CCDC169: variants seen among roughly 807,000 people sequenced by gnomAD.
The protein encoded by CCDC169 is coiled-coil domain containing 169.
In CCDC169, 30 loss-of-function variants were observed where a neutral mutation model predicts 36.0. The ratio of observed to expected loss-of-function variants is 0.83; its 90% CI spans 0.62 to 1.13. The LOEUF (loss-of-function observed/expected upper bound fraction) is 1.13, where lower values mean the gene tolerates loss of function less well. CCDC169 is among the 50% of genes most tolerant of loss of function. The pLI is 0.00. For synonymous variants in CCDC169, 85 were observed against 81.5 expected, an observed-to-expected ratio of 1.04 and a Z score of -0.23; for missense variants, 245 against 245.9, an observed-to-expected ratio of 1.00 and a Z score of 0.03.
downstream of CCDC169, among the ~76,000 whole-genome samples, chr13:36,229,854 T>C (rs533763770): frequency 6.6e-6 from 1 of 152,220 alleles, no homozygotes; most frequent in South Asian, 2.1e-4. Context: ...ATAATTATTA[T>C]TTAAATTATT....
chr13:36,223,104 A>G (rs1304156510), downstream of CCDC169: 1 of 152,178 alleles, frequency 6.6e-6, no homozygotes. Context: ...TTTGTTAGTT[A>G]TTAGCTAATG....
At chr13:36,257,834 G>A (rs1163268599) in intron 4 of CCDC169, among the ~76,000 whole-genome samples, 2 of 151,768 alleles carry the variant, frequency 1.3e-5, no homozygotes, top group Admixed American at 6.6e-5. Context: ...CTCAGTCATT[G>A]TCTTATTTTG....
At chr13:36,250,989 TA>T (rs999180873) in intron 6 of CCDC169, among the ~76,000 whole-genome samples, 3 of 152,350 alleles carry the variant, frequency 2.0e-5, no homozygotes. Context: ...AGATAGAAGC[TA>T]AAACTTAAGT....
At chr13:36,255,068 A>G (rs1873685430) in intron 4 of CCDC169, among the ~76,000 whole-genome samples, 2 of 152,196 alleles carry the variant, frequency 1.3e-5, no homozygotes, top group South Asian at 4.2e-4. Context: ...CTCAGTGGAC[A>G]TGGCGGTCAT....
chr13:36,264,052 G>T (rs2138526414), intron 4 of CCDC169, among the ~76,000 whole-genome samples: 1 of 152,124 alleles, frequency 6.6e-6, no homozygotes, highest in Non-Finnish European at 1.5e-5. Flanking sequence ...TAGTTTTAAT[G>T]GAAAATGTAT....
chr13:36,256,161 C>T (rs9546924), intron 4 of CCDC169, among the ~76,000 whole-genome samples: 22,599 of 152,198 alleles, frequency 0.15, 2,090 homozygotes, highest in Non-Finnish European at 0.2. Flanking sequence ...TGAAGATCTC[C>T]AGCATGCTGT....
chr13:36,233,073 A>G (rs1284592409), intron 7 of CCDC169, among the ~76,000 whole-genome samples: 1 of 152,296 alleles, frequency 6.6e-6, no homozygotes, highest in East Asian at 1.9e-4. Context: ...AGTAAAGAAT[A>G]AGGTAGAGTT....
intron 2 of CCDC169, among the ~76,000 whole-genome samples, chr13:36,293,506 C>T (rs1388813842): frequency 1.3e-5 from 2 of 152,266 alleles, no homozygotes; most frequent in East Asian, 3.9e-4. Context: ...ACTACTATGA[C>T]CAACAGAATA....
rs535157104 is a variant in CCDC169, at chr13:36,259,384, G to C, written c.316-5241C>G. On this transcript the variant is annotated intron_variant, in intron 4 of 7. Transcript: ENST00000239859. ...CAGTTGTCCAAGTTCTTGGTGTATT[G>C]AACAAAGACTTGAACAAAATGCTCA... Among the ~76,000 whole-genome samples, 11 of 152,224 alleles carry C rather than the reference G, an allele frequency of 7.2e-5. No individual in the cohort carries two copies. In the South Asian group the frequency reaches 2.3e-3, roughly 32 times the overall value.
intron 4 of CCDC169, among the ~76,000 whole-genome samples, chr13:36,276,004 T>C (rs1202503946): frequency 3.9e-5 from 6 of 152,208 alleles, no homozygotes; most frequent in Admixed American, 6.5e-5. Flanking sequence ...TTAAAAGAAC[T>C]AAGACTTAAA....
At chr13:36,237,572 G>A (rs1871245520) in intron 7 of CCDC169, among the ~76,000 whole-genome samples, 1 of 152,034 alleles carries the variant, frequency 6.6e-6, no homozygotes, top group Non-Finnish European at 1.5e-5. Context: ...AATAAAATGT[G>A]GCATATCCAA....
chr13:36,272,016 C>T (rs192819033), intron 4 of CCDC169, among the ~76,000 whole-genome samples: 3 of 149,416 alleles, frequency 2.0e-5, no homozygotes, highest in Middle Eastern at 3.5e-3. Flanking sequence ...ACTCAGGAGG[C>T]GGAGGTTGCA....
At chr13:36,227,099 G>A (rs938527975), downstream of CCDC169, 4 of 661,180 alleles carry the variant, frequency 6.0e-6, no homozygotes, top group African/African-American at 5.5e-5. Flanking sequence ...AACCAGCAGA[G>A]TGGGTCCCAA....
intron 4 of CCDC169, among the ~76,000 whole-genome samples, chr13:36,272,666 C>T (rs1487725831): frequency 6.6e-6 from 1 of 152,130 alleles, no homozygotes; most frequent in African/African-American, 2.4e-5. Flanking sequence ...ATCCTAGCTG[C>T]TGGTTTATGG....
rs187583025 is a variant in CCDC169, at chr13:36,235,767, C to T, written c.546-4475G>A. 4.6e-3 allele frequency among the ~76,000 whole-genome samples: 706 copies of T among 151,992 alleles called. 6 individuals are homozygous for T. The highest frequency in any genetic ancestry group is 0.016 in the African/African-American group (665 of 41,528). ...ACACATTCACATACAGACACAGACA[C>T]ATACATGCATTTATGAGATCTAATA... is the stretch of plus-strand genomic sequence containing the variant. On this transcript the variant is annotated intron_variant, in intron 7 of 7. Coordinates refer to ENST00000239859, the MANE Select transcript of CCDC169 (RefSeq NM_001144981.3).
intron 4 of CCDC169, among the ~76,000 whole-genome samples, chr13:36,278,086 T>C (rs1426153237): frequency 6.6e-6 from 1 of 152,246 alleles, no homozygotes; most frequent in Non-Finnish European, 1.5e-5. Context: ...TTGGGCCTTA[T>C]GCTTATCCCT....
At chr13:36,224,279 C>T (rs1869749953), downstream of CCDC169, 1 of 151,816 alleles carries the variant, frequency 6.6e-6, no homozygotes, top group Admixed American at 6.6e-5. Context: ...GAAGTGCTAG[C>T]CAGAGCAATC....
intron 4 of CCDC169, among the ~76,000 whole-genome samples, chr13:36,258,021 G>A (rs1874130389): frequency 6.6e-6 from 1 of 152,194 alleles, no homozygotes; most frequent in Non-Finnish European, 1.5e-5. Flanking sequence ...TGGTGTGATG[G>A]ATGAGACCGC....
intron 4 of CCDC169, among the ~76,000 whole-genome samples, chr13:36,271,612 T>G (rs1223796281): frequency 6.6e-6 from 1 of 152,072 alleles, no homozygotes; most frequent in African/African-American, 2.4e-5. Context: ...TTGCAGTAAC[T>G]TGGATGGAAT....
Sources: allele counts gnomAD v4.1 joint callset (sites outside exome capture counted in the v4.1 genomes callset), GRCh38; gene constraint gnomAD v4.1.1; transcripts MANE v1.5; gene names NCBI Gene and HGNC (gene_info 2026-07-23, HGNC 2026-07-21).